LAMA2: variants seen among roughly 807,000 people sequenced by gnomAD.
LAMA2 encodes the protein laminin subunit alpha-2.
A neutral mutation model predicts 364.8 loss-of-function variants in LAMA2; 269 were observed. The observed-to-expected ratio is 0.74, with a 90% confidence interval of 0.67 to 0.82. The LOEUF (loss-of-function observed/expected upper bound fraction) is 0.82, where lower values mean the gene tolerates loss of function less well. Ranked by LOEUF, LAMA2 falls within the 40% of genes least tolerant of loss-of-function variation. The pLI, the probability that LAMA2 is intolerant of heterozygous loss-of-function variation, is 0.00. For synonymous variants in LAMA2, 1,379 were observed against 1,370.6 expected (o/e 1.01, Z -0.14); for missense variants, 3,807 against 3,873.2 (o/e 0.98, Z 0.45).
In LAMA2 at chr6:129,512,479, A is replaced by G. The variant is rs1306878326; in HGVS notation, c.8974A>G (p.Met2992Val). The G allele has an allele frequency of 6.2e-7, 1 of 1,613,496 alleles. No homozygotes were observed. Among genetic ancestry groups the G allele is most frequent in the African/African-American group, 1.3e-5 (1 of 74,880 alleles). The change falls in exon 63 of 65, where the codon ATG (methionine) becomes GTG (valine). Residue 2992 changes from methionine (M) to valine (V), a missense_variant. Physicochemically the swap from Met to Val is conservative, Grantham distance 21. Coordinates refer to ENST00000421865, the MANE Select transcript of LAMA2 (RefSeq NM_000426.4). ...AAAAATGGATGGAATGGGTATTGAA[A>G]TGATTGATGAAAAGGTGAGTGTCAG... ...SQKMDGMGIE[M>V]IDEKLMFHVD...
chr6:129,284,714 G>T (rs1269038454), intron 18 of LAMA2, among the ~76,000 whole-genome samples: 1 of 151,958 alleles, frequency 6.6e-6, no homozygotes, highest in Non-Finnish European at 1.5e-5. Flanking sequence ...TCTTCTCATT[G>T]TTGCTTGTCT....
intron 10 of LAMA2, among the ~76,000 whole-genome samples, chr6:129,182,405 T>G (rs1176972786): frequency 6.6e-6 from 1 of 151,590 alleles, no homozygotes; most frequent in Non-Finnish European, 1.5e-5. Flanking sequence ...CCCAAAAAAC[T>G]CTTACAATGT....
At chr6:129,085,534 T>C (rs1774327786) in intron 3 of LAMA2, among the ~76,000 whole-genome samples, 1 of 152,172 alleles carries the variant, frequency 6.6e-6, no homozygotes, top group Non-Finnish European at 1.5e-5. Flanking sequence ...TGGTAACATG[T>C]TTTTAAAAAA....
At chr6:129,091,216 GA>G (rs1774805045) in intron 3 of LAMA2, among the ~76,000 whole-genome samples, 1 of 152,176 alleles carries the variant, frequency 6.6e-6, no homozygotes, top group Non-Finnish European at 1.5e-5. Context: ...GTGAGATAGA[GA>G]AGTCCTTCAA....
chr6:129,371,480 T>C (rs1219737825), intron 34 of LAMA2, among the ~76,000 whole-genome samples: 1 of 152,160 alleles, frequency 6.6e-6, no homozygotes, highest in Admixed American at 6.5e-5. Context: ...CTAATACTTT[T>C]TGGGAGTCTC....
intron 10 of LAMA2, among the ~76,000 whole-genome samples, chr6:129,181,585 A>G (rs546838198): frequency 6.6e-6 from 1 of 152,144 alleles, no homozygotes; most frequent in African/African-American, 2.4e-5. Context: ...TAAAAATTCA[A>G]TGATTGGGTT....
chr6:129,200,392 G>GTATATA (rs1782189438), intron 12 of LAMA2, among the ~76,000 whole-genome samples: 5 of 140,114 alleles, frequency 3.6e-5, no homozygotes, highest in Non-Finnish European at 7.7e-5. Flanking sequence ...ATATACATGT[G>GTATATA]TATATACATG....
In LAMA2 at chr6:129,039,145, G is replaced by A. The variant is rs977557691; in HGVS notation, c.113-10773G>A. 7.2e-5 allele frequency among the ~76,000 whole-genome samples: 11 copies of A among 152,118 alleles called. 1 individual carries two copies. The highest frequency in any genetic ancestry group is 1.3e-4 in the Non-Finnish European group (9 of 68,034). On this transcript the variant is annotated intron_variant, in intron 1 of 64. Coordinates refer to ENST00000421865, the MANE Select transcript of LAMA2 (RefSeq NM_000426.4). ...GTAAAAAATACTAAAGTTACAGTAT[G>A]ATGAGGGTTCTACTAAATATCAACT...
intron 36 of LAMA2, among the ~76,000 whole-genome samples, chr6:129,391,875 T>G (rs561478676): frequency 6.6e-6 from 1 of 152,316 alleles, no homozygotes; most frequent in South Asian, 2.1e-4. Flanking sequence ...ACTTTACCAT[T>G]GTTCCAAAAT....
chr6:129,393,170 G>C lies in LAMA2; in HGVS notation c.5360G>C (p.Trp1787Ser), dbSNP rs747621078. The C allele has an allele frequency of 9.3e-6, 15 of 1,614,050 alleles. No homozygotes were observed. The East Asian group carries it at 3.1e-4, about 34-fold the overall frequency. ...TACAAAAACAAAGTTGATGATGCTTGGGACCTTTTGAGAGAAGCCACAGAT... is the reference window on the plus strand; with the variant it reads ...TACAAAAACAAAGTTGATGATGCTTCGGACCTTTTGAGAGAAGCCACAGAT... ...ADYKNKVDDAWDLLREATDKI... is the reference protein window; with the variant it reads ...ADYKNKVDDASDLLREATDKI... The change falls in exon 37 of 65, where the codon TGG (tryptophan) becomes TCG (serine). Residue 1787 changes from tryptophan (W) to serine (S), a missense_variant. By Grantham distance (177) the Trp-to-Ser change is radical. This residue lies in a region of LAMA2 where 3,333 missense variants were observed against 3,345.7 expected (regional missense o/e 1.00). Transcript: ENST00000421865.
At chr6:128,972,605 A>G (rs913993924) in intron 1 of LAMA2, among the ~76,000 whole-genome samples, 1 of 152,180 alleles carries the variant, frequency 6.6e-6, no homozygotes, top group African/African-American at 2.4e-5. Context: ...TGATGGGACT[A>G]GAGTCAGGAT....
In LAMA2 at chr6:129,486,634, A is replaced by G. The variant is rs572960610; in HGVS notation, c.7898+12A>G. On this transcript the variant is annotated intron_variant, in intron 56 of 64. Coordinates refer to ENST00000421865, the MANE Select transcript of LAMA2 (RefSeq NM_000426.4). ...GAGCGAACTAGAGGGTAACAATAGC[A>G]CTAAAATATTTATTATTGTAACTCA... The G allele has an allele frequency of 6.2e-6, 10 of 1,611,050 alleles. No homozygotes were observed. In the East Asian group the frequency reaches 2.2e-4, roughly 36 times the overall value.
Position 129,016,113 on chromosome 6 carries a change from G to A in LAMA2, c.113-33805G>A, listed in dbSNP as rs1187966861. 2.0e-5 allele frequency among the ~76,000 whole-genome samples: 3 copies of A among 152,022 alleles called. No homozygotes were observed. The East Asian group carries it at 5.8e-4, about 29-fold the overall frequency. On this transcript the variant is annotated intron_variant, in intron 1 of 64. Transcript: ENST00000421865. ...AGTTTAAGGTATCATCTATGACAAT[G>A]TTAAAAGTAAAACCCAATCAAAGTT... is the stretch of plus-strand genomic sequence containing the variant.
At chr6:129,337,443 T>G (rs1290063275) in intron 29 of LAMA2, among the ~76,000 whole-genome samples, 2 of 152,160 alleles carry the variant, frequency 1.3e-5, no homozygotes, top group African/African-American at 4.8e-5. Context: ...GAATTAGACT[T>G]AATTTTCATA....
At position 129,315,966 on chromosome 6, in the gene LAMA2, G is replaced by T; in HGVS notation, c.3924+16G>T. On this transcript the variant is annotated intron_variant, in intron 26 of 64. Transcript: ENST00000421865. ...AATGACAGAGGTAAAGTTAGTCATTGTTTGGTGCAAAGATACCAATCAATG... is the reference window on the plus strand; with the variant it reads ...AATGACAGAGGTAAAGTTAGTCATTTTTTGGTGCAAAGATACCAATCAATG... 6.2e-7 allele frequency: 1 copy of T among 1,613,944 alleles called. No individual in the cohort carries two copies. Among genetic ancestry groups the T allele is most frequent in the South Asian group, 1.1e-5 (1 of 91,078 alleles).
intron 14 of LAMA2, among the ~76,000 whole-genome samples, chr6:129,257,995 T>C (rs1347618639): frequency 6.6e-6 from 1 of 152,082 alleles, no homozygotes; most frequent in Non-Finnish European, 1.5e-5. Flanking sequence ...GTTACTTTTG[T>C]ATACATTTAT....
chr6:129,273,748 G>T (rs961226937), intron 17 of LAMA2, among the ~76,000 whole-genome samples: 2 of 152,024 alleles, frequency 1.3e-5, no homozygotes, highest in African/African-American at 4.8e-5. Flanking sequence ...TTTCCTAAAA[G>T]ATGTATATTC....
chr6:129,514,305 T>C, intron 63 of LAMA2, 68 bp from the exon 64 acceptor site: 1 of 1,093,856 alleles, frequency 9.1e-7, no homozygotes, highest in South Asian at 1.3e-5. Context: ...TGATCATTTG[T>C]ATGTGTGAAC....
At chr6:129,190,473 A>T in intron 11 of LAMA2, 128 bp downstream of exon 11, 3 of 936,050 alleles carry the variant, frequency 3.2e-6, no homozygotes, top group Non-Finnish European at 4.9e-6. Flanking sequence ...GAAGTAATGG[A>T]ATTTTCTTCA....
Sources: allele counts gnomAD v4.1 joint callset (sites outside exome capture counted in the v4.1 genomes callset), GRCh38; gene constraint gnomAD v4.1.1; regional missense constraint gnomAD v4.1.1; transcripts MANE v1.5; gene names NCBI Gene and HGNC (gene_info 2026-07-23, HGNC 2026-07-21).